SNX22: variants seen among roughly 807,000 people sequenced by gnomAD.
SNX22 encodes the protein sorting nexin-22.
Under a neutral mutation model 24.7 loss-of-function variants are expected in SNX22, and 23 were observed. The ratio of observed to expected loss-of-function variants is 0.93; its 90% CI spans 0.67 to 1.32. The LOEUF (loss-of-function observed/expected upper bound fraction) is 1.32, where lower values mean the gene tolerates loss of function less well. SNX22 is among the 40% of genes most tolerant of loss of function. SNX22 has a pLI of 0.00. For missense variants in SNX22, 261 were observed against 249.9 expected (o/e 1.04, Z -0.30); for synonymous variants, 99 against 104.0 (o/e 0.95, Z 0.29).
chr15:64,153,705 G>A (rs1462198038), intron 5 of SNX22, 21 bp downstream of exon 5: 1 of 1,613,894 alleles, frequency 6.2e-7, no homozygotes, highest in African/African-American at 1.3e-5. Flanking sequence ...GCCCTAGCCC[G>A]CGCTTGGCCC....
Position 64,156,290 on chromosome 15 carries a change from G to C in SNX22, c.*1782G>C. The C allele has an allele frequency of 9.5e-7, 1 of 1,051,868 alleles. No homozygotes were observed. The highest frequency in any genetic ancestry group is 1.3e-5 in the South Asian group (1 of 74,774). The allele number at this position is 1,051,868 out of a possible 1,614,324, so 65.2% of individuals were successfully genotyped here. On this transcript the variant is annotated 3_prime_UTR_variant, in exon 7 of 7. Coordinates refer to ENST00000325881, the MANE Select transcript of SNX22 (RefSeq NM_024798.3). The surrounding 1 kb of genome is among the most constrained non-coding windows in gnomAD (Gnocchi z 6.4). ...AACTGGAGGCACCAAAATTCTAACA[G>C]ACTCCTGGCCAGAGCAGGGAGAATG...
In SNX22 at chr15:64,153,263, C is replaced by T; in HGVS notation, c.283C>T (p.Gln95Ter). 6.2e-7 allele frequency: 1 copy of T among 1,614,190 alleles called. No homozygotes were observed. Among genetic ancestry groups the T allele is most frequent in the South Asian group, 1.1e-5 (1 of 91,084 alleles). The part of the protein sequence containing the change: ...AYIQGILYLN[Q>*]EVPKELLEFL... ...TCTCCAGGGCATCCTGTACCTGAAC[C>T]AGGAGGTGCCCAAGGAGTTACTGGA... is the stretch of plus-strand genomic sequence containing the variant. The change falls in exon 4 of 7, where the codon CAG becomes TAG. Residue 95 changes from glutamine to a stop codon, truncating the protein, a stop_gained. Transcript: ENST00000325881. LOFTEE classifies it high-confidence loss of function.
chr15:64,154,691 T>G lies in SNX22; in HGVS notation c.*183T>G. On this transcript the variant is annotated 3_prime_UTR_variant, in exon 7 of 7. Coordinates refer to ENST00000325881, the MANE Select transcript of SNX22 (RefSeq NM_024798.3). Reference sequence around the variant, plus strand: ...CATTGGTAGCTGGAGGTGGTAGAATTTGTATGCTCTTAGAGCCCAACAGCC... The same window carrying G: ...CATTGGTAGCTGGAGGTGGTAGAATGTGTATGCTCTTAGAGCCCAACAGCC... 1 of 720,022 alleles carries G rather than the reference T, an allele frequency of 1.4e-6. No individual in the cohort carries two copies. The highest frequency in any genetic ancestry group is 2.9e-5 in the Admixed American group (1 of 34,574). 44.6% of individuals were successfully genotyped at this position (720,022 alleles called of 1,614,324 possible). A position where few individuals can be genotyped will look rare whatever the true frequency, so the allele number is the denominator to read the frequency against.
intron 3 of SNX22, 193 bp from the exon 4 acceptor site, chr15:64,153,052 C>T (rs2081498892): frequency 4.4e-6 from 3 of 681,228 alleles, no homozygotes; most frequent in Non-Finnish European, 7.4e-6. Context: ...AACAGCAAAG[C>T]TATGCCGCGT....
chr15:64,151,749 C>T lies in SNX22; in HGVS notation c.-27C>T. 1 of 1,523,782 alleles carries T rather than the reference C, an allele frequency of 6.6e-7. No individual in the cohort carries two copies. Among genetic ancestry groups the T allele is most frequent in the Non-Finnish European group, 8.8e-7 (1 of 1,138,740 alleles). 94.4% of individuals were successfully genotyped at this position (1,523,782 alleles called of 1,614,324 possible). On this transcript the variant is annotated 5_prime_UTR_variant, in exon 1 of 7. Transcript: ENST00000325881. ...GAGAGTTAGGGCTCCGAGCCGAGCG[C>T]GCGGAGCAGCTGGGGCCGGGGCGCG...
intron 1 of SNX22, 22 bp from the exon 2 acceptor site, chr15:64,152,221 C>G (rs1416090963): frequency 1.4e-6 from 2 of 1,388,472 alleles, no homozygotes; most frequent in Admixed American, 3.7e-5. Flanking sequence ...CGCGCAGACC[C>G]GCTGCCCGCC....
rs935100126 is a variant in SNX22 at position 64,154,519 on chromosome 15, G to T, written c.*11G>T. 1 of 1,612,810 alleles carries T rather than the reference G, an allele frequency of 6.2e-7. No homozygotes were observed. The highest frequency in any genetic ancestry group is 8.5e-7 in the Non-Finnish European group (1 of 1,179,308). ...CCACCGATGCCCTGATCAGTCCAGA[G>T]GCCTTTGGCTGCCTCCTAAGAAAGT... On this transcript the variant is annotated 3_prime_UTR_variant, in exon 7 of 7. Transcript: ENST00000325881.
rs777377399 is a variant in SNX22 at position 64,154,525 on chromosome 15, T to C, written c.*17T>C. 13 of 1,612,426 alleles carry C rather than the reference T, an allele frequency of 8.1e-6. No individual in the cohort carries two copies. Among genetic ancestry groups the C allele is most frequent in the African/African-American group, 1.3e-5 (1 of 74,876 alleles). ...ATGCCCTGATCAGTCCAGAGGCCTTTGGCTGCCTCCTAAGAAAGTCATGTG... is the reference window on the plus strand; with the variant it reads ...ATGCCCTGATCAGTCCAGAGGCCTTCGGCTGCCTCCTAAGAAAGTCATGTG... On this transcript the variant is annotated 3_prime_UTR_variant, in exon 7 of 7. Transcript: ENST00000325881.
chr15:64,152,552 G>C, intron 2 of SNX22, 86 bp from the exon 3 acceptor site: 2 of 1,377,160 alleles, frequency 1.5e-6, no homozygotes, highest in Non-Finnish European at 2.0e-6. Context: ...CCGAAGGCGG[G>C]GGCGCGGGAG....
Position 64,154,378 on chromosome 15 carries a change from A to G in SNX22, c.461-9A>G, listed in dbSNP as rs199986058. The G allele has an allele frequency of 1.9e-6, 3 of 1,614,054 alleles. No homozygotes were observed. Among genetic ancestry groups the G allele is most frequent in the Non-Finnish European group, 2.5e-6 (3 of 1,179,996 alleles). On this transcript the variant is annotated splice_polypyrimidine_tract_variant and intron_variant, in intron 6 of 6. Transcript: ENST00000325881. The stretch of plus-strand genomic sequence containing the variant: ...TCTGAGGCCAGACCTGTTTAATTCT[A>G]TCCCACAGAGTCGCTGCCCAACGTG...
At chr15:64,152,569 T>C (rs2081494817) in intron 2 of SNX22, 69 bp from the exon 3 acceptor site, 2 of 1,476,696 alleles carry the variant, frequency 1.4e-6, no homozygotes, top group African/African-American at 2.8e-5. Flanking sequence ...GGAGGGCTTC[T>C]GGCTGGGGCG....
rs143180219 is a variant in SNX22, at chr15:64,152,703, G to C, written c.225G>C (p.Gly75=). Residue 75 remains glycine (G), a synonymous_variant, in exon 3 of 7, where the codon GGG becomes GGC. Coordinates refer to ENST00000325881, the MANE Select transcript of SNX22 (RefSeq NM_024798.3). The part of the protein sequence containing the change: ...SKRLPNWRTR[G]LEQRRQGLEA... ...GCCTGCCCAACTGGAGGACCAGAGG[G>C]TTGGAACAGCGCCGGCAGGGCTTGG... 1 of 1,614,118 alleles carries C rather than the reference G, an allele frequency of 6.2e-7. No individual in the cohort carries two copies.
chr15:64,156,006 A>G lies in SNX22; in HGVS notation c.*1498A>G, dbSNP rs770217370. On this transcript the variant is annotated 3_prime_UTR_variant, in exon 7 of 7. Coordinates refer to ENST00000325881, the MANE Select transcript of SNX22 (RefSeq NM_024798.3). This position sits in a 1 kb window ranked among gnomAD's most constrained non-coding sequence, Gnocchi z 6.4. ...GGCCTGCACAGACGGTCACTCAAAG[A>G]AAGATGTCCCTGTGCCCTACTCCTT... 5.6e-6 allele frequency: 9 copies of G among 1,614,092 alleles called. No homozygotes were observed. Among genetic ancestry groups the G allele is most frequent in the East Asian group, 4.5e-5 (2 of 44,868 alleles).
chr15:64,152,313 C>A lies in SNX22; in HGVS notation c.146C>A (p.Ala49Glu), dbSNP rs967246864. ...CCAAGGCGCTACAGCGAGTTCCACGCGCTGCACAAGCGGGTGAGGCGGCGC... is the reference window on the plus strand; with the variant it reads ...CCAAGGCGCTACAGCGAGTTCCACGAGCTGCACAAGCGGGTGAGGCGGCGC... The part of the protein sequence containing the change: ...TVPRRYSEFH[A>E]LHKRIKKLYK... The change falls in exon 2 of 7, where the codon GCG becomes GAG. Residue 49 changes from alanine (A) to glutamate (E), a missense_variant. Ala to Glu is a moderately radical substitution (Grantham distance 107). Coordinates refer to ENST00000325881, the MANE Select transcript of SNX22 (RefSeq NM_024798.3). 7 of 1,514,212 alleles carry A rather than the reference C, an allele frequency of 4.6e-6. No individual in the cohort carries two copies. The highest frequency in any genetic ancestry group is 4.2e-5 in the African/African-American group (3 of 70,594). 93.8% of individuals were successfully genotyped at this position (1,514,212 alleles called of 1,614,324 possible).
chr15:64,153,343 A>AG lies in SNX22; in HGVS notation c.359+10dup, dbSNP rs756976016. On this transcript the variant is annotated splice_donor_region_variant and intron_variant, in intron 4 of 6. Transcript: ENST00000325881. ...ACCCCAAGGCTAGCAACTGGGGGTA[A>AG]GGGGGGCCGATGGCGGGGGCCAGGG... The AG allele has an allele frequency of 6.8e-6, 11 of 1,612,916 alleles. No homozygotes were observed. Among genetic ancestry groups the AG allele is most frequent in the African/African-American group, 2.7e-5 (2 of 74,896 alleles).
At chr15:64,153,365 A>G (rs879074896) in intron 4 of SNX22, 26 bp downstream of exon 4, 2 of 1,612,912 alleles carry the variant, frequency 1.2e-6, no homozygotes, top group African/African-American at 2.7e-5. Context: ...GGCGGGGGCC[A>G]GGGGCTGTCA....
At chr15:64,152,400 G>A in intron 2 of SNX22, 74 bp downstream of exon 2, 1 of 1,431,216 alleles carries the variant, frequency 7.0e-7, no homozygotes, top group East Asian at 2.5e-5. Context: ...TGTGAGGCGG[G>A]CGGGCGAGCC....
chr15:64,152,095 G>A, intron 1 of SNX22, 148 bp from the exon 2 acceptor site: 1 of 846,000 alleles, frequency 1.2e-6, no homozygotes, highest in East Asian at 3.3e-5. Flanking sequence ...CAGGTGTGCG[G>A]GAGCGGAGAG....
chr15:64,156,827 G>T lies in SNX22; in HGVS notation c.*2319G>T. 1 of 1,614,196 alleles carries T rather than the reference G, an allele frequency of 6.2e-7. No individual in the cohort carries two copies. Among genetic ancestry groups the T allele is most frequent in the South Asian group, 1.1e-5 (1 of 91,084 alleles). ...GGGAGCCGTTGGTGTCTTTGCCTGC[G>T]TTGGCCATGCTCACCCAGCCAGGCC... On this transcript the variant is annotated 3_prime_UTR_variant, in exon 7 of 7. Coordinates refer to ENST00000325881, the MANE Select transcript of SNX22 (RefSeq NM_024798.3). The surrounding 1 kb of genome is among the most constrained non-coding windows in gnomAD (Gnocchi z 6.4).
Sources: allele counts gnomAD v4.1 joint callset, GRCh38; gene constraint gnomAD v4.1.1; non-coding constraint Gnocchi (gnomAD v3.1); transcripts MANE v1.5; gene names NCBI Gene and HGNC (gene_info 2026-07-23, HGNC 2026-07-21).